ATP6V1H: variants seen among roughly 807,000 people sequenced by gnomAD.
The protein encoded by ATP6V1H is ATPase H+ transporting V1 subunit H.
A neutral mutation model predicts 71.7 loss-of-function variants in ATP6V1H; 39 were observed. The observed-to-expected ratio is 0.54, with a 90% CI of 0.42 to 0.71. The LOEUF (loss-of-function observed/expected upper bound fraction) is 0.71. ATP6V1H is among the 30% of genes least tolerant of loss of function. ATP6V1H has a pLI of 0.00. For synonymous variants in ATP6V1H, 192 were observed against 199.3 expected (o/e 0.96, Z 0.31); for missense variants, 509 against 594.9 (o/e 0.86, Z 1.50).
At chr8:53,764,419 A>C (rs1808378572) in intron 11 of ATP6V1H, among the ~76,000 whole-genome samples, 1 of 152,228 alleles carries the variant, frequency 6.6e-6, no homozygotes, top group Non-Finnish European at 1.5e-5. Flanking sequence ...ACAGGCTAAA[A>C]AAGAAAAATC....
Position 53,715,784 on chromosome 8 carries a change from T to G in ATP6V1H, c.*180A>C. 1 of 505,548 alleles carries G rather than the reference T, an allele frequency of 2.0e-6. No homozygotes were observed. The highest frequency in any genetic ancestry group is 3.5e-6 in the Non-Finnish European group (1 of 283,770). The allele number at this position is 505,548 out of a possible 1,614,324, so 31.3% of individuals were successfully genotyped here. ...TCTTTAAATACAGAATCACCTACTT[T>G]TATACAACTTAACAGGCAAACATGT... On this transcript the variant is annotated 3_prime_UTR_variant, in exon 14 of 14. Coordinates refer to ENST00000359530, the MANE Select transcript of ATP6V1H (RefSeq NM_015941.4).
Position 53,748,174 on chromosome 8 carries a change from G to T in ATP6V1H, c.1278-4484C>A, listed in dbSNP as rs1192647642. Reference sequence around the variant, plus strand: ...CTCCATCTCAAAAACAAAAAAAAAAGTGGTGGGAGAGACAGCAAAGGTTTC... The same window carrying T: ...CTCCATCTCAAAAACAAAAAAAAAATTGGTGGGAGAGACAGCAAAGGTTTC... On this transcript the variant is annotated intron_variant, in intron 12 of 13. Transcript: ENST00000359530. 4.6e-5 allele frequency among the ~76,000 whole-genome samples: 7 copies of T among 151,802 alleles called. No homozygotes were observed. In the East Asian group the frequency reaches 1.2e-3, roughly 25 times the overall value.
At chr8:53,781,570 T>G (rs1809136214) in intron 9 of ATP6V1H, among the ~76,000 whole-genome samples, 1 of 152,224 alleles carries the variant, frequency 6.6e-6, no homozygotes, top group Non-Finnish European at 1.5e-5. Context: ...CAATTTTGTC[T>G]TTTGTTGCCA....
At chr8:53,733,422 G>A (rs9643819) in intron 13 of ATP6V1H, among the ~76,000 whole-genome samples, 13,716 of 152,254 alleles carry the variant, frequency 0.09, 973 homozygotes, top group East Asian at 0.37. Flanking sequence ...CCCAGGCTGT[G>A]TGTTGCTCCA....
At chr8:53,738,314 C>T (rs953130921) in intron 13 of ATP6V1H, among the ~76,000 whole-genome samples, 3 of 145,912 alleles carry the variant, frequency 2.1e-5, no homozygotes, top group African/African-American at 5.4e-5. Flanking sequence ...AAAAAAAATG[C>T]GTGCACGTGC....
intron 4 of ATP6V1H, among the ~76,000 whole-genome samples, chr8:53,826,245 CA>C (rs1279695606): frequency 4.0e-5 from 6 of 151,848 alleles, no homozygotes; most frequent in Non-Finnish European, 7.4e-5. Context: ...AATATCTTAA[CA>C]AAAAAAACTA....
In ATP6V1H at chr8:53,743,408, TA is replaced by T. The variant is rs3830248; in HGVS notation, c.1391+168del. Among the ~76,000 whole-genome samples the T allele has an allele frequency of 2.0e-5, 3 of 152,236 alleles. No homozygotes were observed. In the East Asian group the frequency reaches 5.8e-4, roughly 29 times the overall value. ...AGACCTTTAGTGCAGTCCGTCTTTA[TA>T]AAACTAATGTGTCATTGCTCTGAAT... is the stretch of plus-strand genomic sequence containing the variant. On this transcript the variant is annotated intron_variant, in intron 13 of 13. Coordinates refer to ENST00000359530, the MANE Select transcript of ATP6V1H (RefSeq NM_015941.4).
In ATP6V1H at chr8:53,814,670, T is replaced by C; in HGVS notation, c.517A>G (p.Ser173Gly). The change falls in exon 6 of 14, where the codon AGT becomes GGT. Residue 173 changes from serine (S) to glycine (G), a missense_variant. Ser to Gly is a moderately conservative substitution (Grantham distance 56). Coordinates refer to ENST00000359530, the MANE Select transcript of ATP6V1H (RefSeq NM_015941.4). The stretch of plus-strand genomic sequence containing the variant: ...AAAAAATTTTCTTTTACCTGTGAAC[T>C]CAGCTGAGTTTTTATCCAATTGAAA... ...YYFNWIKTQL[S>G]SQKLRGSGVA... The C allele has an allele frequency of 6.2e-7, 1 of 1,601,998 alleles. No individual in the cohort carries two copies. The highest frequency in any genetic ancestry group is 8.5e-7 in the Non-Finnish European group (1 of 1,172,154).
intron 8 of ATP6V1H, among the ~76,000 whole-genome samples, chr8:53,801,263 T>C (rs538881097): frequency 6.6e-5 from 10 of 152,318 alleles, no homozygotes; most frequent in Middle Eastern, 3.4e-3. Flanking sequence ...GAAAAGAATA[T>C]TTGGTTTAAA....
chr8:53,793,106 C>A (rs4737765), intron 9 of ATP6V1H, among the ~76,000 whole-genome samples: 26,131 of 152,046 alleles, frequency 0.17, 3,702 homozygotes, highest in African/African-American at 0.37. Flanking sequence ...AAGGTGACAA[C>A]TGCTATGAAT....
At chr8:53,826,051 A>G (rs1389976373) in intron 4 of ATP6V1H, among the ~76,000 whole-genome samples, 4 of 152,226 alleles carry the variant, frequency 2.6e-5, no homozygotes, top group Admixed American at 2.0e-4. Context: ...GGGCAAAGAC[A>G]TGAGCAAATA....
intron 1 of ATP6V1H, 104 bp from the exon 2 acceptor site, chr8:53,841,829 G>T: frequency 9.8e-7 from 1 of 1,019,096 alleles, no homozygotes; most frequent in Non-Finnish European, 1.4e-6. Flanking sequence ...ATCTCCCCAG[G>T]CATTCAACTC....
intron 13 of ATP6V1H, among the ~76,000 whole-genome samples, chr8:53,733,816 T>C (rs928749426): frequency 5.3e-5 from 8 of 151,990 alleles, no homozygotes; most frequent in African/African-American, 1.9e-4. Context: ...TTCTGTGAGT[T>C]GAAAGAAAAA....
chr8:53,811,157 T>C lies in ATP6V1H; in HGVS notation c.579+7A>G, dbSNP rs757860886. 2 of 1,610,782 alleles carry C rather than the reference T, an allele frequency of 1.2e-6. No homozygotes were observed. Among genetic ancestry groups the C allele is most frequent in the Non-Finnish European group, 1.7e-6 (2 of 1,177,322 alleles). On this transcript the variant is annotated splice_region_variant and intron_variant, in intron 7 of 13. Transcript: ENST00000359530. ...GGATGTTTAGGCCAGTGAAGGAATA[T>C]ACTTACATCACTTGAAGAGACTGTT...
intron 13 of ATP6V1H, among the ~76,000 whole-genome samples, chr8:53,720,263 C>T (rs1421029118): frequency 6.6e-6 from 1 of 152,120 alleles, no homozygotes; most frequent in East Asian, 1.9e-4. Flanking sequence ...ATCTCAACAT[C>T]TCTGAAACTG....
chr8:53,774,258 C>CT (rs1676616204), intron 9 of ATP6V1H, among the ~76,000 whole-genome samples: 1 of 152,178 alleles, frequency 6.6e-6, no homozygotes, highest in African/African-American at 2.4e-5. Flanking sequence ...CTATAGAATT[C>CT]TGAGTTTATA....
At position 53,762,372 on chromosome 8, in the gene ATP6V1H, T is replaced by C. The variant is rs114679623; in HGVS notation, c.1176-5716A>G. ...AGGGATATACTACCATGTTCATGGATTGGAGGACCCTCCTTCCAAATTAAA... is the reference window on the plus strand; with the variant it reads ...AGGGATATACTACCATGTTCATGGACTGGAGGACCCTCCTTCCAAATTAAA... On this transcript the variant is annotated intron_variant, in intron 11 of 13. Transcript: ENST00000359530. Among the ~76,000 whole-genome samples, 728 of 152,210 alleles carry C rather than the reference T, an allele frequency of 4.8e-3. 8 individuals carry two copies. The highest frequency in any genetic ancestry group is 0.017 in the African/African-American group (688 of 41,522).
chr8:53,775,352 A>G (rs572887861), intron 9 of ATP6V1H, among the ~76,000 whole-genome samples: 1 of 152,326 alleles, frequency 6.6e-6, no homozygotes, highest in African/African-American at 2.4e-5. Context: ...CACAGTGTGG[A>G]AGGGGACCGG....
chr8:53,779,728 C>T (rs535747363), intron 9 of ATP6V1H, among the ~76,000 whole-genome samples: 2 of 152,054 alleles, frequency 1.3e-5, no homozygotes, highest in African/African-American at 4.8e-5. Flanking sequence ...ACTAAACTTT[C>T]GATGGTCTTT....
Sources: gnomAD v4.1 joint callset for allele counts (sites outside exome capture counted in the v4.1 genomes callset) on GRCh38, gnomAD v4.1.1 for gene constraint, MANE v1.5 for transcripts, NCBI Gene and HGNC (gene_info 2026-07-23, HGNC 2026-07-21) for gene names.